The following FRMPD4 variants were observed in gnomAD, a reference collection of about 807,000 sequenced individuals.
FRMPD4 encodes FERM and PDZ domain containing 4, also known as FERM and PDZ domain-containing protein 4.
In FRMPD4, 22 loss-of-function variants were observed where a neutral mutation model predicts 94.1. The ratio of observed to expected loss-of-function variants is 0.23; its 90% CI spans 0.17 to 0.33. The LOEUF (loss-of-function observed/expected upper bound fraction) is 0.33. FRMPD4 is among the 10% of genes least tolerant of loss of function. FRMPD4 has a pLI of 1.00. For synonymous variants in FRMPD4, 631 were observed against 548.6 expected, an observed-to-expected ratio of 1.15 and a Z score of -2.10; for missense variants, 1,111 against 1,339.9, an observed-to-expected ratio of 0.83 and a Z score of 2.67.
At chrX:11,830,501 G>T (rs1041380801) in intron 1 of FRMPD4, among the ~76,000 whole-genome samples, 2 of 111,380 alleles carry the variant, frequency 1.8e-5, no homozygotes, top group Non-Finnish European at 3.8e-5. Flanking sequence ...CTTCCACTAA[G>T]TTGTTTGACT....
intron 4 of FRMPD4, among the ~76,000 whole-genome samples, chrX:12,667,609 T>TA (rs1199895482): frequency 2.7e-5 from 3 of 112,594 alleles, no homozygotes; most frequent in Admixed American, 9.4e-5. Flanking sequence ...AGAGGGATTG[T>TA]AATACTGGAA....
At chrX:12,289,069 G>A (rs901639845) in intron 1 of FRMPD4, among the ~76,000 whole-genome samples, 1 of 111,535 alleles carries the variant, frequency 9.0e-6, no homozygotes, top group East Asian at 2.8e-4. Context: ...TTATACTTTA[G>A]TGTCTTCTTC....
Position 12,139,015 on chromosome X carries a change from A to G in FRMPD4, c.41+3A>G. The G allele has an allele frequency of 8.6e-7, 1 of 1,158,731 alleles. No homozygotes were observed. The highest frequency in any genetic ancestry group is 1.8e-5 in the African/African-American group (1 of 56,202). ...GTGAAGATTGCAAAGCTTTCGAGGT[A>G]GGGGCTGCGCGGGTTCCGTTTGCAC... is the stretch of plus-strand genomic sequence containing the variant. On this transcript the variant is annotated splice_donor_region_variant and intron_variant, in intron 1 of 16. Coordinates refer to ENST00000675598, the MANE Select transcript of FRMPD4 (RefSeq NM_001368397.1).
At chrX:11,948,421 G>A (rs2054202286) in intron 3 of FRMPD4, among the ~76,000 whole-genome samples, 1 of 111,649 alleles carries the variant, frequency 9.0e-6, no homozygotes, top group African/African-American at 3.3e-5. Flanking sequence ...CCTCACCAGA[G>A]TCCAAACTTG....
intron 1 of FRMPD4, among the ~76,000 whole-genome samples, chrX:12,479,966 G>T (rs1379508687): frequency 9.0e-6 from 1 of 110,617 alleles, no homozygotes; most frequent in Non-Finnish European, 1.9e-5. Context: ...CTCTGCAAGT[G>T]TACATTTTGA....
chrX:12,441,350 G>T (rs1237768288), intron 1 of FRMPD4, among the ~76,000 whole-genome samples: 1 of 112,374 alleles, frequency 8.9e-6, no homozygotes, highest in African/African-American at 3.2e-5. Context: ...CTGCTGCTTG[G>T]CCTATAAAAC....
chrX:12,281,317 AT>A (rs1164466383), intron 1 of FRMPD4, among the ~76,000 whole-genome samples: 1 of 112,010 alleles, frequency 8.9e-6, no homozygotes, highest in East Asian at 2.8e-4. Flanking sequence ...ACCATAAGTT[AT>A]ATTTTTTAAG....
intron 4 of FRMPD4, among the ~76,000 whole-genome samples, chrX:12,672,003 A>G (rs1332125358): frequency 1.8e-5 from 2 of 111,812 alleles, no homozygotes; most frequent in Non-Finnish European, 3.8e-5. Context: ...CAACTCCACA[A>G]AATTCCTCCT....
At chrX:12,086,078 C>T (rs7472366) in intron 3 of FRMPD4, among the ~76,000 whole-genome samples, 8,881 of 53,100 alleles carry the variant, frequency 0.17, 661 homozygotes, top group African/African-American at 0.36. Flanking sequence ...TGTCTGTGTG[C>T]GTGTGTGTGT....
intron 1 of FRMPD4, among the ~76,000 whole-genome samples, chrX:12,431,751 G>A (rs1453616705): frequency 8.9e-6 from 1 of 112,052 alleles, no homozygotes; most frequent in Non-Finnish European, 1.9e-5. Flanking sequence ...TGATAATTTT[G>A]TTTACACAAT....
chrX:11,926,772 C>T (rs2078942), intron 3 of FRMPD4, among the ~76,000 whole-genome samples: 44,506 of 110,203 alleles, frequency 0.4, 6,592 homozygotes, highest in East Asian at 0.81. Context: ...ATAACAGCCA[C>T]GTAGGACAAA....
At chrX:12,128,209 C>A (rs1271877434) in intron 3 of FRMPD4, among the ~76,000 whole-genome samples, 2 of 113,406 alleles carry the variant, frequency 1.8e-5, no homozygotes, top group Non-Finnish European at 3.7e-5. Flanking sequence ...GCCCATGCAG[C>A]AAACTTCTGC....
At chrX:11,953,849 T>C (rs1386693800) in intron 3 of FRMPD4, among the ~76,000 whole-genome samples, 2 of 111,753 alleles carry the variant, frequency 1.8e-5, no homozygotes, top group African/African-American at 6.5e-5. Context: ...AGTTAATCAT[T>C]TGTGGCAATG....
At chrX:12,152,923 A>AT (rs11432329) in intron 1 of FRMPD4, among the ~76,000 whole-genome samples, 30,175 of 75,712 alleles carry the variant, frequency 0.4, 6,035 homozygotes, top group Non-Finnish European at 0.5. Context: ...AAGCTTATAC[A>AT]TTTTTTTTTT....
intron 1 of FRMPD4, among the ~76,000 whole-genome samples, chrX:12,194,871 T>C (rs888836007): frequency 8.9e-6 from 1 of 112,134 alleles, no homozygotes; most frequent in Admixed American, 9.4e-5. Flanking sequence ...CAGTGCTGGC[T>C]TTCCCCTTTA....
intron 1 of FRMPD4, among the ~76,000 whole-genome samples, chrX:12,259,580 G>C (rs2054163138): frequency 1.8e-5 from 2 of 111,363 alleles, no homozygotes; most frequent in South Asian, 7.6e-4. Flanking sequence ...TGTTGTTTTG[G>C]GCTATCCGTT....
intron 1 of FRMPD4, among the ~76,000 whole-genome samples, chrX:12,153,094 C>T (rs755090215): frequency 7.5e-4 from 83 of 110,091 alleles, no homozygotes; most frequent in South Asian, 4.3e-3. Flanking sequence ...CCACCGCGCC[C>T]GGCTAATTTT....
intron 3 of FRMPD4, among the ~76,000 whole-genome samples, chrX:11,998,855 C>T (rs187222659): frequency 1.8e-5 from 2 of 112,095 alleles, no homozygotes; most frequent in East Asian, 5.6e-4. Flanking sequence ...AACAACTTGT[C>T]TTTCCAAACA....
At chrX:12,598,357 AC>A (rs1027268938) in intron 2 of FRMPD4, among the ~76,000 whole-genome samples, 4 of 111,513 alleles carry the variant, frequency 3.6e-5, no homozygotes, top group African/African-American at 1.3e-4. Flanking sequence ...ACACTGAGGC[AC>A]CAGGGACTAG....
Sources: gnomAD v4.1 joint callset for allele counts (sites outside exome capture counted in the v4.1 genomes callset) on GRCh38, gnomAD v4.1.1 for gene constraint, MANE v1.5 for transcripts, NCBI Gene and HGNC (gene_info 2026-07-23, HGNC 2026-07-21) for gene names.